BLTP3B: variants seen among roughly 807,000 people sequenced by gnomAD.
BLTP3B encodes UHRF1 (ICBP90) binding protein 1-like.
At chr12:100,059,243 G>A in the BLTP3B span, 1 of 1,613,906 alleles carries the variant, frequency 6.2e-7, no homozygotes, top group Admixed American at 1.7e-5. Context: ...TATTCAATTG[G>A]GGAGTAATAT....
the BLTP3B span, among the ~76,000 whole-genome samples, chr12:100,104,803 T>C: frequency 7.1e-6 from 1 of 141,588 alleles, no homozygotes; most frequent in Admixed American, 7.9e-5. Flanking sequence ...CACAAATTAG[T>C]AGCACTGCTA....
the BLTP3B span, among the ~76,000 whole-genome samples, chr12:100,133,217 G>C: frequency 6.6e-6 from 1 of 152,068 alleles, no homozygotes; most frequent in African/African-American, 2.4e-5. Flanking sequence ...ACTCCAGCCT[G>C]GGTAACAGAG....
the BLTP3B span, among the ~76,000 whole-genome samples, chr12:100,131,849 G>A: frequency 6.6e-6 from 1 of 152,156 alleles, no homozygotes; most frequent in East Asian, 1.9e-4. Context: ...GAGTCCAGGG[G>A]CACAATCTCA....
chr12:100,088,633 C>T, the BLTP3B span, among the ~76,000 whole-genome samples: 1 of 152,196 alleles, frequency 6.6e-6, no homozygotes, highest in Non-Finnish European at 1.5e-5. Flanking sequence ...AATATTTCAT[C>T]ATCCTCCTAG....
chr12:100,069,938 A>G, the BLTP3B span: 1 of 1,150,804 alleles, frequency 8.7e-7, no homozygotes, highest in Non-Finnish European at 1.1e-6. Flanking sequence ...TTTATTTAAG[A>G]AAAACAATTA....
chr12:100,042,416 T>C, the BLTP3B span, among the ~76,000 whole-genome samples: 1 of 152,182 alleles, frequency 6.6e-6, no homozygotes, highest in Non-Finnish European at 1.5e-5. Context: ...GACAGTGTGG[T>C]AGTATCAAAG....
At chr12:100,092,133 A>G in the BLTP3B span, among the ~76,000 whole-genome samples, 1 of 152,212 alleles carries the variant, frequency 6.6e-6, no homozygotes, top group African/African-American at 2.4e-5. Context: ...AATTTTCAAA[A>G]TAGTCTTCTT....
chr12:100,066,860 T>C, the BLTP3B span, among the ~76,000 whole-genome samples: 2 of 151,390 alleles, frequency 1.3e-5, no homozygotes, highest in Non-Finnish European at 2.9e-5. Context: ...TTACAGAACA[T>C]TCCATTCAAC....
the BLTP3B span, among the ~76,000 whole-genome samples, chr12:100,128,372 C>T: frequency 1.3e-5 from 2 of 151,894 alleles, no homozygotes; most frequent in South Asian, 2.1e-4. Context: ...ACACTGACTA[C>T]AGGGCGAGAC....
At chr12:100,112,609 C>T in the BLTP3B span, among the ~76,000 whole-genome samples, 2 of 152,100 alleles carry the variant, frequency 1.3e-5, no homozygotes, top group South Asian at 2.1e-4. Flanking sequence ...AATCAATACA[C>T]CATTATTAGG....
chr12:100,065,480 A>G, the BLTP3B span, among the ~76,000 whole-genome samples: 1 of 152,200 alleles, frequency 6.6e-6, no homozygotes, highest in East Asian at 1.9e-4. Flanking sequence ...AGGAATATTA[A>G]TAATTAAGAC....
At chr12:100,084,130 A>G in the BLTP3B span, among the ~76,000 whole-genome samples, 1 of 151,112 alleles carries the variant, frequency 6.6e-6, no homozygotes, top group Middle Eastern at 3.2e-3. Flanking sequence ...CAGAGGTTGC[A>G]GTGAGCCGAG....
chr12:100,108,559 A>C, the BLTP3B span: 1 of 1,596,442 alleles, frequency 6.3e-7, no homozygotes. Flanking sequence ...CTGAAAGAGA[A>C]TACACATTGA....
At chr12:100,111,603 G>T in the BLTP3B span, among the ~76,000 whole-genome samples, 3 of 149,870 alleles carry the variant, frequency 2.0e-5, no homozygotes, top group Admixed American at 6.6e-5. Context: ...GTTTTTTTTT[G>T]TTTGTTTGTT....
chr12:100,103,103 G>T, the BLTP3B span, among the ~76,000 whole-genome samples: 4 of 151,976 alleles, frequency 2.6e-5, no homozygotes, highest in Non-Finnish European at 4.4e-5. Flanking sequence ...GTGTTGGGGG[G>T]TGGGGAATTA....
At chr12:100,128,377 C>T in the BLTP3B span, among the ~76,000 whole-genome samples, 10 of 151,512 alleles carry the variant, frequency 6.6e-5, no homozygotes, top group Admixed American at 5.9e-4. Flanking sequence ...GACTACAGGG[C>T]GAGACTCAGT....
the BLTP3B span, among the ~76,000 whole-genome samples, chr12:100,045,515 G>C: frequency 2.0e-5 from 3 of 151,426 alleles, no homozygotes; most frequent in Non-Finnish European, 2.9e-5. Context: ...TGGGAAAACT[G>C]GCTAGCCATA....
the BLTP3B span, among the ~76,000 whole-genome samples, chr12:100,087,619 A>G: frequency 6.6e-6 from 1 of 152,258 alleles, no homozygotes; most frequent in African/African-American, 2.4e-5. Context: ...AGAATAAAAA[A>G]AAGTATTGGC....
chr12:100,070,693 C>T, the BLTP3B span, among the ~76,000 whole-genome samples: 1 of 151,872 alleles, frequency 6.6e-6, no homozygotes, highest in Non-Finnish European at 1.5e-5. Flanking sequence ...CCTTTTGAAA[C>T]TAAAAACATA....
Sources: allele counts gnomAD v4.1 joint callset (sites outside exome capture counted in the v4.1 genomes callset), GRCh38; gene constraint gnomAD v4.1.1; transcripts MANE v1.5; gene names NCBI Gene and HGNC (gene_info 2026-07-23, HGNC 2026-07-21).